The following RABGEF1 variants were observed in gnomAD, a reference collection of about 807,000 sequenced individuals.
The protein encoded by RABGEF1 is RAB guanine nucleotide exchange factor 1.
RABGEF1 carries 26 observed loss-of-function variants against 57.3 expected under a neutral mutation model. The ratio of observed to expected loss-of-function variants is 0.45; its 90% CI spans 0.33 to 0.63. RABGEF1 has a LOEUF of 0.63. Among genes scored for constraint, RABGEF1 ranks in the 20% least tolerant of loss-of-function variants. RABGEF1 has a pLI of 0.02. For synonymous variants in RABGEF1, 185 were observed against 210.7 expected, an observed-to-expected ratio of 0.88 and a Z score of 1.06; for missense variants, 464 against 607.6, an observed-to-expected ratio of 0.76 and a Z score of 2.48.
chr7:66,803,396 T>C (rs1376292741), intron 7 of RABGEF1, among the ~76,000 whole-genome samples: 1 of 152,188 alleles, frequency 6.6e-6, no homozygotes, highest in Non-Finnish European at 1.5e-5. Context: ...GGCAAGAATT[T>C]GGTGTAAAAT....
upstream of RABGEF1, among the ~76,000 whole-genome samples, chr7:66,682,009 T>C (rs1261518071): frequency 1.9e-4 from 29 of 152,214 alleles, no homozygotes; most frequent in Non-Finnish European, 2.9e-5. Flanking sequence ...CCCTACTCTG[T>C]GTAAGCCTTT....
At chr7:66,751,934 C>G (rs964474716) in intron 1 of RABGEF1, among the ~76,000 whole-genome samples, 1 of 152,152 alleles carries the variant, frequency 6.6e-6, no homozygotes, top group Non-Finnish European at 1.5e-5. Context: ...CATTGGCTCA[C>G]ACCTGTAATC....
intron 1 of RABGEF1, among the ~76,000 whole-genome samples, chr7:66,761,072 T>C (rs2129083959): frequency 6.6e-6 from 1 of 152,354 alleles, no homozygotes; most frequent in Non-Finnish European, 1.5e-5. Flanking sequence ...ATATGCCCAG[T>C]TGTGCAGGGA....
chr7:66,782,807 T>G (rs1369219505), intron 3 of RABGEF1, among the ~76,000 whole-genome samples: 1 of 152,140 alleles, frequency 6.6e-6, no homozygotes, highest in African/African-American at 2.4e-5. Context: ...AAAACATACT[T>G]TTAAAAAAAT....
chr7:66,803,666 G>A (rs1432107615), intron 7 of RABGEF1, among the ~76,000 whole-genome samples: 3 of 152,068 alleles, frequency 2.0e-5, no homozygotes, highest in East Asian at 1.9e-4. Context: ...TGAGGTGGGC[G>A]GATCACGAGG....
At chr7:66,711,975 A>C (rs1190189795) in intron 1 of RABGEF1, among the ~76,000 whole-genome samples, 2 of 152,178 alleles carry the variant, frequency 1.3e-5, no homozygotes, top group African/African-American at 4.8e-5. Context: ...TGTCTTAATT[A>C]CTATAGCAAT....
intron 6 of RABGEF1, 45 bp downstream of exon 6, chr7:66,797,551 G>T (rs756475177): frequency 6.3e-7 from 1 of 1,581,194 alleles, no homozygotes. Context: ...ACCTTCTAAT[G>T]GAAGAACACA....
chr7:66,688,924 T>G (rs950418207), intron 1 of RABGEF1, among the ~76,000 whole-genome samples: 2 of 151,960 alleles, frequency 1.3e-5, no homozygotes, highest in African/African-American at 2.4e-5. Flanking sequence ...AAAAGCCCAT[T>G]GCTACTAAAA....
chr7:66,719,456 G>T (rs2659900), intron 2 of RABGEF1, among the ~76,000 whole-genome samples: 5 of 151,940 alleles, frequency 3.3e-5, no homozygotes, highest in African/African-American at 7.3e-5. Flanking sequence ...TCGGCCCCCC[G>T]CAGTGTGCTG....
At chr7:66,767,502 A>C (rs1051966022) in intron 1 of RABGEF1, among the ~76,000 whole-genome samples, 3 of 152,192 alleles carry the variant, frequency 2.0e-5, no homozygotes, top group African/African-American at 7.2e-5. Context: ...AAATGGAATC[A>C]TATAGTATGT....
chr7:66,775,678 T>C (rs1341419632), intron 3 of RABGEF1, among the ~76,000 whole-genome samples: 1 of 152,244 alleles, frequency 6.6e-6, no homozygotes, highest in Non-Finnish European at 1.5e-5. Flanking sequence ...ACTATCTCTT[T>C]GGATGTTTTG....
the RABGEF1 span, among the ~76,000 whole-genome samples, chr7:66,665,690 C>T: frequency 6.6e-6 from 1 of 152,146 alleles, no homozygotes; most frequent in South Asian, 2.1e-4. Flanking sequence ...GGTCCCTTTC[C>T]CCCACACTCC....
intron 1 of RABGEF1, among the ~76,000 whole-genome samples, chr7:66,754,196 G>C (rs1802163673): frequency 6.6e-6 from 1 of 151,286 alleles, no homozygotes; most frequent in East Asian, 2.0e-4. Flanking sequence ...TAGAGACGGG[G>C]TTTCACTATG....
chr7:66,691,821 A>C (rs575943539), intron 1 of RABGEF1, among the ~76,000 whole-genome samples: 14 of 152,244 alleles, frequency 9.2e-5, no homozygotes, highest in Middle Eastern at 3.4e-3. Context: ...TGGGAGACTG[A>C]GGCGGGAGGA....
chr7:66,777,984 T>G (rs1808944505), intron 3 of RABGEF1, among the ~76,000 whole-genome samples: 1 of 152,226 alleles, frequency 6.6e-6, no homozygotes, highest in African/African-American at 2.4e-5. Flanking sequence ...GACCTTAAAG[T>G]ATTTTAAAAA....
In RABGEF1 at chr7:66,809,159, G is replaced by A. The variant is rs1384278248; in HGVS notation, c.1351G>A (p.Asp451Asn). 1.2e-6 allele frequency: 2 copies of A among 1,614,204 alleles called. No homozygotes were observed. The highest frequency in any genetic ancestry group is 3.3e-5 in the Admixed American group (2 of 60,016). The change falls in exon 9 of 9, where the codon GAC (aspartate) becomes AAC (asparagine). Residue 451 changes from aspartate (D) to asparagine (N), a missense_variant. By Grantham distance (23) the Asp-to-Asn change is conservative (BLOSUM62 1). This residue lies in a region of RABGEF1 where 151 missense variants were observed against 152.2 expected (regional missense o/e 0.99). Transcript: ENST00000284957. Reference sequence around the variant, plus strand: ...AGATGGAATTGCAAGAGAAGTTCAAGACATCGTTGAGAAATACCCACTGGA... The same window carrying A: ...AGATGGAATTGCAAGAGAAGTTCAAAACATCGTTGAGAAATACCCACTGGA... ...WTDGIAREVQ[D>N]IVEKYPLEIK... is the part of the protein sequence containing the mutation.
rs561015980 is a variant in RABGEF1 at position 66,740,733 on chromosome 7, A to T, written c.-77A>T. The T allele has an allele frequency of 3.9e-5, 6 of 152,768 alleles. No individual in the cohort carries two copies. In the East Asian group the frequency reaches 1.2e-3, roughly 29 times the overall value. The allele number at this position is 152,768 out of a possible 1,614,324, so 9.5% of individuals were successfully genotyped here. A position where few individuals can be genotyped will look rare whatever the true frequency, so the allele number is the denominator to read the frequency against. On this transcript the variant is annotated 5_prime_UTR_variant, in exon 1 of 9. Transcript: ENST00000284957. ...GAGGCGGGAGCTGGCCGCGGAGCCCAGACCTACCCGGGCGAAGCGGGCGAG... is the reference window on the plus strand; with the variant it reads ...GAGGCGGGAGCTGGCCGCGGAGCCCTGACCTACCCGGGCGAAGCGGGCGAG...
intron 4 of RABGEF1, among the ~76,000 whole-genome samples, chr7:66,791,955 T>TA (rs1265088495): frequency 6.6e-6 from 1 of 151,486 alleles, no homozygotes; most frequent in East Asian, 1.9e-4. Flanking sequence ...CTACTAGAAA[T>TA]AAAAAAATTA....
At chr7:66,687,876 G>A (rs934489665) in intron 1 of RABGEF1, among the ~76,000 whole-genome samples, 4 of 152,000 alleles carry the variant, frequency 2.6e-5, no homozygotes, top group African/African-American at 7.2e-5. Flanking sequence ...CCTTGAGGTC[G>A]GGAGTTCAAG....
Sources: gnomAD v4.1 joint callset for allele counts (sites outside exome capture counted in the v4.1 genomes callset) on GRCh38, gnomAD v4.1.1 for gene constraint, gnomAD v4.1.1 regional missense constraint, MANE v1.5 for transcripts, NCBI Gene and HGNC (gene_info 2026-07-23, HGNC 2026-07-21) for gene names.